Variants in ADAM12 observed in about 807,000 individuals in gnomAD.
ADAM12 encodes ADAM metallopeptidase domain 12, also known as disintegrin and metalloproteinase domain-containing protein 12.
Under a neutral mutation model 106.4 loss-of-function variants are expected in ADAM12, and 70 were observed. The observed-to-expected ratio is 0.66, with a 90% CI of 0.54 to 0.80. The LOEUF is 0.80. Among genes scored for constraint, ADAM12 ranks in the 30% least tolerant of loss-of-function variants. The pLI, the probability that ADAM12 is intolerant of heterozygous loss-of-function variation, is 0.00. For missense variants in ADAM12, 1,010 were observed against 1,171.9 expected, an observed-to-expected ratio of 0.86 and a Z score of 2.02; for synonymous variants, 420 against 433.5, an observed-to-expected ratio of 0.97 and a Z score of 0.39.
intron 1 of ADAM12, among the ~76,000 whole-genome samples, chr10:126,365,927 T>C (rs2133911426): frequency 6.6e-6 from 1 of 152,308 alleles, no homozygotes; most frequent in East Asian, 1.9e-4. Flanking sequence ...CTTACATTTA[T>C]TGGGATTTCT....
intron 4 of ADAM12, among the ~76,000 whole-genome samples, chr10:126,151,438 C>A (rs964200049): frequency 6.6e-6 from 1 of 152,066 alleles, no homozygotes; most frequent in Admixed American, 6.6e-5. Flanking sequence ...GTTGAACTAT[C>A]CTTGCATTCC....
intron 3 of ADAM12, among the ~76,000 whole-genome samples, chr10:126,162,783 G>A (rs1048683917): frequency 1.3e-5 from 2 of 152,116 alleles, no homozygotes; most frequent in Non-Finnish European, 2.9e-5. Flanking sequence ...CAACAGAGAT[G>A]GGTCACTCAT....
intron 5 of ADAM12, among the ~76,000 whole-genome samples, chr10:126,122,323 G>C (rs1421323134): frequency 6.6e-6 from 1 of 152,136 alleles, no homozygotes; most frequent in Non-Finnish European, 1.5e-5. Context: ...GGATTACTTT[G>C]GTCATCAACT....
At chr10:126,271,535 T>C (rs1163085111) in intron 3 of ADAM12, among the ~76,000 whole-genome samples, 2 of 152,136 alleles carry the variant, frequency 1.3e-5, no homozygotes, top group African/African-American at 2.4e-5. Flanking sequence ...GAGGCCGAGG[T>C]AGGCAAATTG....
intron 1 of ADAM12, among the ~76,000 whole-genome samples, chr10:126,355,096 A>G (rs555799196): frequency 2.0e-5 from 3 of 152,356 alleles, no homozygotes; most frequent in Admixed American, 6.5e-5. Flanking sequence ...GAATGAAACC[A>G]AAACTCGACT....
At chr10:126,251,885 AATGGATGGATGGGATGGATAGG>A (rs1253091214) in intron 3 of ADAM12, among the ~76,000 whole-genome samples, 24,129 of 68,334 alleles carry the variant, frequency 0.35, 2,000 homozygotes, top group African/African-American at 0.41. Flanking sequence ...GGATGGATGC[AATGGATGGATGGGATGGATAGG>A]ATGGATGGAT....
chr10:126,100,827 A>G (rs995681148), intron 9 of ADAM12, among the ~76,000 whole-genome samples: 9 of 152,220 alleles, frequency 5.9e-5, no homozygotes, highest in African/African-American at 1.2e-4. Context: ...GGGTTCTAGA[A>G]GAAGGAAATG....
At chr10:126,195,160 G>A (rs1045131504) in intron 3 of ADAM12, among the ~76,000 whole-genome samples, 1 of 152,202 alleles carries the variant, frequency 6.6e-6, no homozygotes, top group Non-Finnish European at 1.5e-5. Flanking sequence ...GGAGGAATAA[G>A]TTCAAGATCT....
At chr10:126,329,900 G>A (rs78598197) in intron 2 of ADAM12, among the ~76,000 whole-genome samples, 3,065 of 152,042 alleles carry the variant, frequency 0.02, 112 homozygotes, top group African/African-American at 0.068. Context: ...CAGATAAAAC[G>A]CACCAAGATA....
At chr10:126,097,205 G>A (rs1410191365) in intron 10 of ADAM12, among the ~76,000 whole-genome samples, 1 of 152,198 alleles carries the variant, frequency 6.6e-6, no homozygotes, top group Non-Finnish European at 1.5e-5. Context: ...TGTACAGTCT[G>A]CTCTGTAAAA....
chr10:126,049,076 A>G lies in ADAM12; in HGVS notation c.1917+177T>C, dbSNP rs567013320. Among the ~76,000 whole-genome samples the G allele has an allele frequency of 2.6e-5, 4 of 152,314 alleles. No individual in the cohort carries two copies. The highest frequency in any genetic ancestry group is 1.9e-4 in the East Asian group (1 of 5,194). On this transcript the variant is annotated intron_variant, in intron 16 of 22. Transcript: ENST00000448723. The surrounding 1 kb of genome is among the most constrained non-coding windows in gnomAD (Gnocchi z 4.4). ...AGAAGACAGGCTTGATTTTTCCCCA[A>G]TCTGCATTTTAATAGTCAGACCAGG...
In ADAM12 at chr10:126,228,248, G is replaced by A. The variant is rs117612732; in HGVS notation, c.260+50667C>T. Among the ~76,000 whole-genome samples, 242 of 152,304 alleles carry A rather than the reference G, an allele frequency of 1.6e-3. 1 individual carries two copies. The highest frequency in any genetic ancestry group is 6.8e-3 in the Middle Eastern group (2 of 294). The stretch of plus-strand genomic sequence containing the variant: ...CCCCCAATATGCCAACAAACGATTG[G>A]TATTAACAAAGGCTTAACACTTGGA... On this transcript the variant is annotated intron_variant, in intron 3 of 22. Transcript: ENST00000448723.
Position 126,245,138 on chromosome 10 carries a change from C to A in ADAM12, c.260+33777G>T, listed in dbSNP as rs547378107. Among the ~76,000 whole-genome samples, 5 of 152,304 alleles carry A rather than the reference C, an allele frequency of 3.3e-5. No individual in the cohort carries two copies. In the East Asian group the frequency reaches 7.7e-4, roughly 24 times the overall value. Reference sequence around the variant, plus strand: ...ACATCCCCTCGCCAGCCTCGGGGAACCCTCAAGGGAGAGTGAGCATCACAT... The same window carrying A: ...ACATCCCCTCGCCAGCCTCGGGGAAACCTCAAGGGAGAGTGAGCATCACAT... On this transcript the variant is annotated intron_variant, in intron 3 of 22. Coordinates refer to ENST00000448723, the MANE Select transcript of ADAM12 (RefSeq NM_001288973.2).
At chr10:126,144,063 T>A (rs905441567) in intron 4 of ADAM12, among the ~76,000 whole-genome samples, 1 of 152,182 alleles carries the variant, frequency 6.6e-6, no homozygotes, top group African/African-American at 2.4e-5. Context: ...ACAAGAACCA[T>A]GTCTGGTTAA....
At chr10:126,040,266 T>A (rs1366086769) in intron 18 of ADAM12, among the ~76,000 whole-genome samples, 1 of 152,166 alleles carries the variant, frequency 6.6e-6, no homozygotes, top group African/African-American at 2.4e-5. Flanking sequence ...GACAGTGAAT[T>A]TTTAGAGGAC....
chr10:126,186,248 A>G (rs922735193), intron 3 of ADAM12, among the ~76,000 whole-genome samples: 1 of 152,184 alleles, frequency 6.6e-6, no homozygotes, highest in Non-Finnish European at 1.5e-5. Flanking sequence ...GAAAAACCCT[A>G]TCGATCAATA....
At chr10:126,140,402 G>C (rs752886643) in intron 4 of ADAM12, among the ~76,000 whole-genome samples, 1 of 152,166 alleles carries the variant, frequency 6.6e-6, no homozygotes, top group Non-Finnish European at 1.5e-5. Context: ...CATGAGCTTA[G>C]AACAAACTAG....
chr10:126,344,935 G>T (rs941602162), intron 1 of ADAM12, among the ~76,000 whole-genome samples: 5 of 152,136 alleles, frequency 3.3e-5, no homozygotes, highest in Non-Finnish European at 7.3e-5. Flanking sequence ...TGAGACGATG[G>T]GGTTTTCTAA....
At chr10:126,177,565 A>G (rs898155723) in intron 3 of ADAM12, among the ~76,000 whole-genome samples, 1 of 152,252 alleles carries the variant, frequency 6.6e-6, no homozygotes, top group Admixed American at 6.5e-5. Context: ...AAGGTTTCCT[A>G]CTGAAGATTT....
Sources: gnomAD v4.1 joint callset for allele counts (sites outside exome capture counted in the v4.1 genomes callset) on GRCh38, gnomAD v4.1.1 for gene constraint, Gnocchi (gnomAD v3.1) non-coding constraint, MANE v1.5 for transcripts, NCBI Gene and HGNC (gene_info 2026-07-23, HGNC 2026-07-21) for gene names.